PRTG: variants seen among roughly 807,000 people sequenced by gnomAD.
PRTG encodes protogenin, also known as immunoglobulin superfamily, DCC subclass, member 5.
In PRTG, 67 loss-of-function variants were observed where a neutral mutation model predicts 122.5. The observed-to-expected ratio is 0.55, with a 90% confidence interval of 0.45 to 0.67. The LOEUF (loss-of-function observed/expected upper bound fraction) is 0.67. PRTG is among the 30% of genes least tolerant of loss of function. The pLI, the probability that PRTG is intolerant of heterozygous loss-of-function variation, is 0.00. For missense variants in PRTG, 1,435 were observed against 1,415.4 expected (o/e 1.01, Z -0.22); for synonymous variants, 554 against 501.1 (o/e 1.11, Z -1.41).
intron 11 of PRTG, among the ~76,000 whole-genome samples, chr15:55,647,409 C>A (rs562953337): frequency 6.6e-6 from 1 of 152,188 alleles, no homozygotes; most frequent in Admixed American, 6.5e-5. Flanking sequence ...ACTAGAAAGA[C>A]GCAAATTTTA....
chr15:55,654,905 G>A (rs1168255634), intron 11 of PRTG, among the ~76,000 whole-genome samples: 3 of 152,290 alleles, frequency 2.0e-5, no homozygotes, highest in East Asian at 3.9e-4. Context: ...TTGGTCAGAG[G>A]TGCACAGTTT....
At chr15:55,631,755 C>T (rs1161161752) in intron 15 of PRTG, among the ~76,000 whole-genome samples, 3 of 152,162 alleles carry the variant, frequency 2.0e-5, no homozygotes, top group Non-Finnish European at 4.4e-5. Flanking sequence ...TAACTTGGGG[C>T]ACGTTACTGA....
intron 11 of PRTG, among the ~76,000 whole-genome samples, chr15:55,642,180 CA>C (rs761440348): frequency 0.16 from 11,025 of 66,904 alleles, 267 homozygotes; most frequent in African/African-American, 0.28. Flanking sequence ...GACTCCGTCT[CA>C]AAAAAAAAAA....
chr15:55,629,096 T>C, intron 15 of PRTG, 92 bp from the exon 16 acceptor site: 3 of 772,318 alleles, frequency 3.9e-6, no homozygotes, highest in Admixed American at 6.0e-5. Flanking sequence ...TTTAAAAATA[T>C]TTTTCTGATT....
intron 2 of PRTG, among the ~76,000 whole-genome samples, chr15:55,727,590 A>AT (rs1385442694): frequency 6.6e-6 from 1 of 152,092 alleles, no homozygotes; most frequent in Non-Finnish European, 1.5e-5. Flanking sequence ...GAGGTGAGGA[A>AT]TTCGAGACCA....
intron 8 of PRTG, among the ~76,000 whole-genome samples, chr15:55,676,156 G>A (rs1347279850): frequency 6.6e-6 from 1 of 151,844 alleles, no homozygotes; most frequent in African/African-American, 2.4e-5. Context: ...ATCTCATTTT[G>A]CCCCTAGAGA....
Position 55,740,461 on chromosome 15 carries a change from G to C in PRTG, c.318C>G (p.Ser106=). 2 of 1,614,042 alleles carry C rather than the reference G, an allele frequency of 1.2e-6. No homozygotes were observed. Among genetic ancestry groups the C allele is most frequent in the East Asian group, 2.2e-5 (1 of 44,874 alleles). Residue 106 remains serine, a synonymous_variant, in exon 2 of 20, where the codon TCC becomes TCG. Transcript: ENST00000389286. ...SEVEGRRGEQ[S]DEGFYQCLAM... is the part of the protein sequence containing the mutation. The stretch of plus-strand genomic sequence containing the variant: ...CCAAGCACTGATAAAATCCTTCATC[G>C]GACTGCTCTCCTCGCCTGCCTTCCA...
chr15:55,634,879 G>A (rs1420510982), intron 15 of PRTG, among the ~76,000 whole-genome samples: 1 of 151,968 alleles, frequency 6.6e-6, no homozygotes, highest in East Asian at 1.9e-4. Context: ...TAATACTGAG[G>A]GCCCCAGTGA....
chr15:55,732,735 C>T (rs1406040965), intron 2 of PRTG, among the ~76,000 whole-genome samples: 1 of 152,032 alleles, frequency 6.6e-6, no homozygotes, highest in Non-Finnish European at 1.5e-5. Flanking sequence ...CTCAGGTGAT[C>T]CGCCGGCCCT....
At chr15:55,637,454 A>C (rs2059264252) in intron 14 of PRTG, 114 bp from the exon 15 acceptor site, 1 of 765,412 alleles carries the variant, frequency 1.3e-6, no homozygotes, top group African/African-American at 1.8e-5. Flanking sequence ...CTCCATAAGA[A>C]ATCACAGCTT....
intron 2 of PRTG, among the ~76,000 whole-genome samples, chr15:55,714,517 C>T (rs1045879031): frequency 6.6e-6 from 1 of 151,964 alleles, no homozygotes; most frequent in Non-Finnish European, 1.5e-5. Context: ...AAGTGTGAGC[C>T]ACCAAGCCTG....
intron 7 of PRTG, among the ~76,000 whole-genome samples, chr15:55,678,397 G>A (rs2059516994): frequency 6.6e-6 from 1 of 152,074 alleles, no homozygotes; most frequent in South Asian, 2.1e-4. Flanking sequence ...CTCCAGGCAT[G>A]TGTAGTTTTT....
rs1305113089 is a variant in PRTG, at chr15:55,637,398, A to T, written c.2453-58T>A. 2.2e-5 allele frequency: 30 copies of T among 1,386,332 alleles called. No homozygotes were observed. In the East Asian group the frequency reaches 7.1e-4, roughly 33 times the overall value. 85.9% of individuals were successfully genotyped at this position (1,386,332 alleles called of 1,614,324 possible). A position where few individuals can be genotyped will look rare whatever the true frequency, so the allele number is the denominator to read the frequency against. Reference sequence around the variant, plus strand: ...TAGTAAAATGGTTCATAAATACTCAAATACCTGGCTTATAGGCTTAGAAAA... The same window carrying T: ...TAGTAAAATGGTTCATAAATACTCATATACCTGGCTTATAGGCTTAGAAAA... On this transcript the variant is annotated intron_variant, in intron 14 of 19. Transcript: ENST00000389286.
chr15:55,721,978 T>A (rs1389506203), intron 2 of PRTG, among the ~76,000 whole-genome samples: 5 of 152,178 alleles, frequency 3.3e-5, no homozygotes, highest in African/African-American at 9.7e-5. Context: ...AGATGAGATT[T>A]GGGTGAGAAC....
intron 2 of PRTG, among the ~76,000 whole-genome samples, chr15:55,729,955 C>G (rs1413390199): frequency 6.6e-6 from 1 of 152,156 alleles, no homozygotes; most frequent in Admixed American, 6.5e-5. Context: ...TACAGGACAG[C>G]TGAAAATAGA....
At chr15:55,646,333 T>C (rs2059323335) in intron 11 of PRTG, among the ~76,000 whole-genome samples, 1 of 149,232 alleles carries the variant, frequency 6.7e-6, no homozygotes, top group Non-Finnish European at 1.5e-5. Flanking sequence ...TTCTCTTTTT[T>C]TTTTTTTAGG....
intron 11 of PRTG, among the ~76,000 whole-genome samples, chr15:55,644,049 G>A (rs2059307205): frequency 6.6e-6 from 1 of 151,932 alleles, no homozygotes; most frequent in South Asian, 2.1e-4. Context: ...ACGTTGGTCA[G>A]GCTGGTTTTG....
rs757602072 is a variant in PRTG at position 55,639,776 on chromosome 15, C to T, written c.2190G>A (p.Ala730=). The T allele has an allele frequency of 3.1e-6, 5 of 1,614,120 alleles. No individual in the cohort carries two copies. Among genetic ancestry groups the T allele is most frequent in the Middle Eastern group, 3.3e-4 (2 of 6,062 alleles). The change falls in exon 13 of 20, where the codon GCG becomes GCA. Residue 730 remains alanine (A), a synonymous_variant. Coordinates refer to ENST00000389286, the MANE Select transcript of PRTG (RefSeq NM_173814.6). ...AGATGGAAGATGAGGTGTTAGCCTTCGCATAGAGATGGTGGGGTGGTGGTG... is the reference window on the plus strand; with the variant it reads ...AGATGGAAGATGAGGTGTTAGCCTTTGCATAGAGATGGTGGGGTGGTGGTG... ...PPPPPPHHLY[A]KANTSSSIFL... is the part of the protein sequence containing the mutation.
chr15:55,628,164 G>C (rs999772928), intron 16 of PRTG, among the ~76,000 whole-genome samples: 1 of 151,940 alleles, frequency 6.6e-6, no homozygotes, highest in Non-Finnish European at 1.5e-5. Flanking sequence ...GTGAAGCTAC[G>C]AGCCCTTAAT....
Sources: gnomAD v4.1 joint callset for allele counts (sites outside exome capture counted in the v4.1 genomes callset) on GRCh38, gnomAD v4.1.1 for gene constraint, MANE v1.5 for transcripts, NCBI Gene and HGNC (gene_info 2026-07-23, HGNC 2026-07-21) for gene names.